The following FANK1 variants were observed in gnomAD, a reference collection of about 807,000 sequenced individuals.
FANK1 encodes fibronectin type 3 and ankyrin repeat domains protein 1.
FANK1 carries 44 observed loss-of-function variants against 45.3 expected under a neutral mutation model. The ratio of observed to expected loss-of-function variants is 0.97; its 90% CI spans 0.76 to 1.25. The LOEUF is 1.25. Among genes scored for constraint, FANK1 ranks in the 50% most tolerant of loss-of-function variants. The probability of loss-of-function intolerance (pLI) is 0.00; values close to 1 mark genes in which losing one functional copy is unlikely to be tolerated. For missense variants in FANK1, 391 were observed against 424.4 expected, an observed-to-expected ratio of 0.92 and a Z score of 0.69; for synonymous variants, 149 against 152.5, an observed-to-expected ratio of 0.98 and a Z score of 0.17.
rs182699214 is a variant in FANK1, at chr10:125,905,050, G to C, written c.13+8395G>C. On this transcript the variant is annotated intron_variant, in intron 1 of 10. Coordinates refer to ENST00000368693, the MANE Select transcript of FANK1 (RefSeq NM_145235.5). Reference sequence around the variant, plus strand: ...GGAGGCTGAGACAGGAGAATGGTGTGAACCCGGGAGGCGGACCTTGCAGTG... The same window carrying C: ...GGAGGCTGAGACAGGAGAATGGTGTCAACCCGGGAGGCGGACCTTGCAGTG... Among the ~76,000 whole-genome samples, 712 of 146,768 alleles carry C rather than the reference G, an allele frequency of 4.9e-3. 8 individuals are homozygous for C. The highest frequency in any genetic ancestry group is 0.016 in the African/African-American group (648 of 39,686).
chr10:125,945,615 C>T (rs1437685545), intron 1 of FANK1, among the ~76,000 whole-genome samples: 18 of 152,190 alleles, frequency 1.2e-4, no homozygotes, highest in Admixed American at 2.6e-4. Flanking sequence ...CACGGAATCT[C>T]GCTGACTGCT....
At chr10:125,929,076 A>G (rs1185565330) in intron 1 of FANK1, among the ~76,000 whole-genome samples, 1 of 152,234 alleles carries the variant, frequency 6.6e-6, no homozygotes, top group Non-Finnish European at 1.5e-5. Flanking sequence ...GAACAGTGGC[A>G]TACAGCCTGA....
In FANK1 at chr10:125,910,833, G is replaced by C. The variant is rs181141565; in HGVS notation, c.13+14178G>C. 3.8e-4 allele frequency among the ~76,000 whole-genome samples: 58 copies of C among 152,204 alleles called. No homozygotes were observed. In the East Asian group the frequency reaches 8.1e-3, roughly 21 times the overall value. On this transcript the variant is annotated intron_variant, in intron 1 of 10. Transcript: ENST00000368693. ...GCGGATCATGAGGTTAGGAGATTGA[G>C]ACCATCCTGGCTAACACAGTGAAAC...
chr10:125,918,201 A>T (rs1946614793), intron 1 of FANK1, among the ~76,000 whole-genome samples: 1 of 152,302 alleles, frequency 6.6e-6, no homozygotes, highest in Non-Finnish European at 1.5e-5. Flanking sequence ...CTGGAGATGG[A>T]TGGTGGTGAT....
intron 1 of FANK1, among the ~76,000 whole-genome samples, chr10:125,945,012 G>A (rs1035748057): frequency 6.6e-6 from 1 of 152,106 alleles, no homozygotes; most frequent in East Asian, 1.9e-4. Flanking sequence ...ACCTTCCACT[G>A]TTCTTCTTAG....
intron 2 of FANK1, 102 bp downstream of exon 2, chr10:125,980,440 A>T: frequency 7.7e-7 from 1 of 1,299,546 alleles, no homozygotes; most frequent in Non-Finnish European, 1.1e-6. Context: ...CAAATTAAAG[A>T]ATGAGTCAGC....
chr10:125,982,884 G>A (rs1197860511), intron 2 of FANK1, among the ~76,000 whole-genome samples: 3 of 148,518 alleles, frequency 2.0e-5, no homozygotes, highest in Non-Finnish European at 4.5e-5. Context: ...CCTGCCCAGT[G>A]TATTTTCTGA....
chr10:125,943,640 T>C (rs1948595135), intron 1 of FANK1, among the ~76,000 whole-genome samples: 1 of 152,236 alleles, frequency 6.6e-6, no homozygotes, highest in Admixed American at 6.5e-5. Flanking sequence ...TCTCTATTCA[T>C]GCTCAGGTGT....
chr10:125,988,947 T>C (rs1951748190), intron 3 of FANK1: 1 of 555,960 alleles, frequency 1.8e-6, no homozygotes, highest in Non-Finnish European at 3.2e-6. Flanking sequence ...TCACCTTTCT[T>C]AGGAAATGGG....
chr10:125,992,193 G>A (rs1951996342), intron 3 of FANK1, among the ~76,000 whole-genome samples: 1 of 152,206 alleles, frequency 6.6e-6, no homozygotes, highest in Non-Finnish European at 1.5e-5. Flanking sequence ...GTTCACCCTG[G>A]AATTTCCTCT....
At chr10:125,957,784 C>G (rs1949674647) in intron 1 of FANK1, among the ~76,000 whole-genome samples, 1 of 152,152 alleles carries the variant, frequency 6.6e-6, no homozygotes, top group Non-Finnish European at 1.5e-5. Context: ...CTTGGCCTCC[C>G]AAAGTGCTGA....
chr10:126,006,637 A>C (rs1953226473), intron 7 of FANK1, among the ~76,000 whole-genome samples: 3 of 152,246 alleles, frequency 2.0e-5, no homozygotes, highest in Non-Finnish European at 4.4e-5. Flanking sequence ...AGGCGGGTGG[A>C]TCACTTGAGG....
intron 1 of FANK1, among the ~76,000 whole-genome samples, chr10:125,911,964 A>G (rs1315115730): frequency 6.6e-6 from 1 of 152,242 alleles, no homozygotes; most frequent in Non-Finnish European, 1.5e-5. Flanking sequence ...AAAAAATGCG[A>G]TGTAGAATCC....
At chr10:125,967,308 G>A (rs1025800888) in intron 1 of FANK1, among the ~76,000 whole-genome samples, 14 of 152,220 alleles carry the variant, frequency 9.2e-5, no homozygotes, top group African/African-American at 2.9e-4. Flanking sequence ...TGGACTCCCC[G>A]GCAAATTATG....
At chr10:125,938,719 G>A (rs936132431) in intron 1 of FANK1, among the ~76,000 whole-genome samples, 10 of 152,132 alleles carry the variant, frequency 6.6e-5, no homozygotes, top group Non-Finnish European at 1.2e-4. Context: ...TGAGGCAGGA[G>A]AATCGCTTGA....
chr10:125,902,387 C>A (rs1945116222), intron 1 of FANK1, among the ~76,000 whole-genome samples: 1 of 152,222 alleles, frequency 6.6e-6, no homozygotes, highest in African/African-American at 2.4e-5. Context: ...CCTAAACATT[C>A]ATGGAATGGA....
At chr10:125,992,198 T>C (rs1951996754) in intron 3 of FANK1, among the ~76,000 whole-genome samples, 1 of 152,208 alleles carries the variant, frequency 6.6e-6, no homozygotes, top group African/African-American at 2.4e-5. Flanking sequence ...CCCTGGAATT[T>C]CCTCTCTGTT....
Position 125,978,779 on chromosome 10 carries a change from T to C in FANK1, c.14-1382T>C, listed in dbSNP as rs1951009327. On this transcript the variant is annotated intron_variant, in intron 1 of 10. Coordinates refer to ENST00000368693, the MANE Select transcript of FANK1 (RefSeq NM_145235.5). ...TGCAATGCCGCTACTGGTAGCTGGC[T>C]GGAATTCCAAGCCAGTGGGTCTTAT... is the stretch of plus-strand genomic sequence containing the variant. 2.0e-5 allele frequency among the ~76,000 whole-genome samples: 3 copies of C among 152,186 alleles called. No homozygotes were observed. In the South Asian group the frequency reaches 6.2e-4, roughly 32 times the overall value.
intron 1 of FANK1, among the ~76,000 whole-genome samples, chr10:125,926,886 A>G (rs201147657): frequency 2.8e-3 from 408 of 147,292 alleles, no homozygotes; most frequent in African/African-American, 9.7e-3. Flanking sequence ...AATTTTTTTT[A>G]TTGTGGTATA....
Sources: allele counts gnomAD v4.1 joint callset (sites outside exome capture counted in the v4.1 genomes callset), GRCh38; gene constraint gnomAD v4.1.1; transcripts MANE v1.5; gene names NCBI Gene and HGNC (gene_info 2026-07-23, HGNC 2026-07-21).